Variants in SLC13A1 observed in about 807,000 individuals in gnomAD.
SLC13A1 encodes the protein Na(+)/sulfate cotransporter.
In SLC13A1, 65 loss-of-function variants were observed where a neutral mutation model predicts 70.0. That is an observed-to-expected ratio of 0.93 (90% confidence interval 0.76 to 1.14). SLC13A1 has a LOEUF of 1.14. SLC13A1 is among the 50% of genes most tolerant of loss of function. The probability of loss-of-function intolerance (pLI) is 0.00; values close to 1 mark genes in which losing one functional copy is unlikely to be tolerated. For synonymous variants in SLC13A1, 275 were observed against 250.5 expected, an observed-to-expected ratio of 1.10 and a Z score of -0.92; for missense variants, 726 against 717.8, an observed-to-expected ratio of 1.01 and a Z score of -0.13.
At chr7:123,179,240 A>G (rs1035219906) in intron 2 of SLC13A1, among the ~76,000 whole-genome samples, 9 of 152,194 alleles carry the variant, frequency 5.9e-5, no homozygotes, top group African/African-American at 2.2e-4. Flanking sequence ...TGAGTCAGTG[A>G]TTGAGTTTCA....
chr7:123,181,100 T>G lies in SLC13A1; in HGVS notation c.101A>C (p.Glu34Ala), dbSNP rs1795625383. ...AAAGAGTGTGTAGGCACATTCTGCT[T>G]CCTGGTAAGAACAAATGCAAAGCAA... ...LPLPIVLHTKEAECAYTLFVV... is the reference protein window; with the variant it reads ...LPLPIVLHTKAAECAYTLFVV... The change falls in exon 2 of 15, where the codon GAA becomes GCA. Residue 34 changes from glutamate to alanine, a missense_variant and splice_region_variant. Glu to Ala is a moderately radical substitution (Grantham distance 107). Transcript: ENST00000194130. 6 of 1,611,216 alleles carry G rather than the reference T, an allele frequency of 3.7e-6. No homozygotes were observed. Among genetic ancestry groups the G allele is most frequent in the Non-Finnish European group, 5.1e-6 (6 of 1,178,404 alleles).
intron 8 of SLC13A1, among the ~76,000 whole-genome samples, chr7:123,132,909 A>G (rs2116332552): frequency 6.6e-6 from 1 of 152,324 alleles, no homozygotes; most frequent in East Asian, 1.9e-4. Context: ...GCTGGTTGTC[A>G]TCTAAGTTAT....
chr7:123,139,573 C>G (rs1200541474), intron 7 of SLC13A1, among the ~76,000 whole-genome samples: 1 of 151,764 alleles, frequency 6.6e-6, no homozygotes, highest in African/African-American at 2.4e-5. Flanking sequence ...TTTTTGGTGT[C>G]CTATTCAATT....
At chr7:123,170,278 A>G (rs999856901) in intron 3 of SLC13A1, among the ~76,000 whole-genome samples, 1 of 152,220 alleles carries the variant, frequency 6.6e-6, no homozygotes, top group Non-Finnish European at 1.5e-5. Flanking sequence ...AATGTATACA[A>G]CAAAATAAAA....
rs551953603 is a variant in SLC13A1 at position 123,193,877 on chromosome 7, A to G, written c.99+5971T>C. 5.3e-5 allele frequency among the ~76,000 whole-genome samples: 8 copies of G among 152,250 alleles called. No homozygotes were observed. In the South Asian group the frequency reaches 1.4e-3, roughly 28 times the overall value. On this transcript the variant is annotated intron_variant, in intron 1 of 14. Coordinates refer to ENST00000194130, the MANE Select transcript of SLC13A1 (RefSeq NM_022444.4). ...AAAGGGACAGCCTCTGGTTACACCTACATTCTTCTTGTTCTGTCCTTTCAT... is the reference window on the plus strand; with the variant it reads ...AAAGGGACAGCCTCTGGTTACACCTGCATTCTTCTTGTTCTGTCCTTTCAT...
rs576952293 is a variant in SLC13A1, at chr7:123,177,056, A to T, written c.228+3917T>A. On this transcript the variant is annotated intron_variant, in intron 2 of 14. Coordinates refer to ENST00000194130, the MANE Select transcript of SLC13A1 (RefSeq NM_022444.4). ...ATTCAACTGCCTACTCAACATCTTCACTTAGATGTCTAATAGGTATTTCAA... is the reference window on the plus strand; with the variant it reads ...ATTCAACTGCCTACTCAACATCTTCTCTTAGATGTCTAATAGGTATTTCAA... Among the ~76,000 whole-genome samples, 31 of 152,208 alleles carry T rather than the reference A, an allele frequency of 2.0e-4. No homozygotes were observed. The South Asian group carries it at 6.2e-3, about 31-fold the overall frequency.
At chr7:123,172,239 G>A (rs542008165) in intron 2 of SLC13A1, among the ~76,000 whole-genome samples, 1 of 152,162 alleles carries the variant, frequency 6.6e-6, no homozygotes, top group Non-Finnish European at 1.5e-5. Context: ...TTTCAATCAA[G>A]CTCCAACTTA....
At position 123,134,509 on chromosome 7, in the gene SLC13A1, C is replaced by T. The variant is rs749777517; in HGVS notation, c.833G>A (p.Cys278Tyr). 6.2e-7 allele frequency: 1 copy of T among 1,613,270 alleles called. No individual in the cohort carries two copies. The highest frequency in any genetic ancestry group is 1.7e-5 in the Admixed American group (1 of 59,978). The change falls in exon 8 of 15, where the codon TGC becomes TAC. Residue 278 changes from cysteine (C) to tyrosine (Y), a missense_variant. By Grantham distance (194) the Cys-to-Tyr change is radical (BLOSUM62 -2). Coordinates refer to ENST00000194130, the MANE Select transcript of SLC13A1 (RefSeq NM_022444.4). ...YFNTRYPDCR[C>Y]LNFGSWFTFS... ...CGTAAACCATGATCCAAAGTTGAGG[C>T]AACGACAGTCAGGATAGCGTCTGTG...
chr7:123,141,662 C>T (rs1167562135), intron 7 of SLC13A1, among the ~76,000 whole-genome samples: 1 of 152,038 alleles, frequency 6.6e-6, no homozygotes, highest in Non-Finnish European at 1.5e-5. Flanking sequence ...GGATTGACTT[C>T]TTTATCATTA....
chr7:123,171,114 G>A (rs972282887), intron 3 of SLC13A1, among the ~76,000 whole-genome samples: 1 of 152,118 alleles, frequency 6.6e-6, no homozygotes, highest in Non-Finnish European at 1.5e-5. Flanking sequence ...AACGCAAAAT[G>A]CCACTATGCA....
intron 10 of SLC13A1, among the ~76,000 whole-genome samples, chr7:123,127,287 T>G (rs1301457761): frequency 6.6e-6 from 1 of 152,136 alleles, no homozygotes; most frequent in African/African-American, 2.4e-5. Flanking sequence ...GCCAATACAC[T>G]GCTTTCCTGC....
rs530057401 is a variant in SLC13A1, at chr7:123,177,257, A to G, written c.228+3716T>C. 8.5e-5 allele frequency among the ~76,000 whole-genome samples: 13 copies of G among 152,086 alleles called. No homozygotes were observed. In the South Asian group the frequency reaches 2.7e-3, roughly 32 times the overall value. On this transcript the variant is annotated intron_variant, in intron 2 of 14. Coordinates refer to ENST00000194130, the MANE Select transcript of SLC13A1 (RefSeq NM_022444.4). Reference sequence around the variant, plus strand: ...CATATGCCATATCTAATCAATCAGGAAAGTTTGCTGATTTTACCTTCAAAT... The same window carrying G: ...CATATGCCATATCTAATCAATCAGGGAAGTTTGCTGATTTTACCTTCAAAT...
At chr7:123,166,106 A>G (rs1795067079) in intron 6 of SLC13A1, among the ~76,000 whole-genome samples, 1 of 152,020 alleles carries the variant, frequency 6.6e-6, no homozygotes, top group African/African-American at 2.4e-5. Flanking sequence ...GCATCTGTGC[A>G]TGCCTTTGTT....
At position 123,169,268 on chromosome 7, in the gene SLC13A1, C is replaced by T. The variant is rs188469513; in HGVS notation, c.433G>A (p.Ala145Thr). ...GCCTCCGCAATGGGCATCACCATGG[C>T]AGCCGTCGAGGTGTTGCTGAGCCAC... is the stretch of plus-strand genomic sequence containing the variant. ...SMWLSNTSTA[A>T]MVMPIAEAVV... Residue 145 changes from alanine (A) to threonine (T), a missense_variant, in exon 4 of 15, where the codon GCC becomes ACC. Physicochemically the swap from Ala to Thr is moderately conservative, Grantham distance 58. Coordinates refer to ENST00000194130, the MANE Select transcript of SLC13A1 (RefSeq NM_022444.4). The T allele has an allele frequency of 5.6e-6, 9 of 1,613,980 alleles. No individual in the cohort carries two copies. The African/African-American group carries it at 1.1e-4, about 19-fold the overall frequency.
intron 6 of SLC13A1, among the ~76,000 whole-genome samples, chr7:123,149,788 A>C (rs1021468438): frequency 6.6e-6 from 1 of 152,148 alleles, no homozygotes; most frequent in East Asian, 1.9e-4. Context: ...ACAGTCCTTC[A>C]ACTGCACTGG....
intron 6 of SLC13A1, among the ~76,000 whole-genome samples, chr7:123,156,172 T>C (rs1794707060): frequency 6.6e-6 from 1 of 152,110 alleles, no homozygotes. Context: ...ATGGGATTAC[T>C]GGGGATAATG....
rs552091781 is a variant in SLC13A1 at position 123,173,857 on chromosome 7, C to T, written c.229-1953G>A. Among the ~76,000 whole-genome samples, 21 of 152,056 alleles carry T rather than the reference C, an allele frequency of 1.4e-4. No individual in the cohort carries two copies. In the South Asian group the frequency reaches 4.2e-3, roughly 30 times the overall value. On this transcript the variant is annotated intron_variant, in intron 2 of 14. Coordinates refer to ENST00000194130, the MANE Select transcript of SLC13A1 (RefSeq NM_022444.4). ...CTATGGTCTCTGAGCTCTTATATCC[C>T]AATTTTCTACACTCTGTCCTCTACT...
At chr7:123,170,048 A>G (rs1019920337) in intron 3 of SLC13A1, among the ~76,000 whole-genome samples, 10 of 152,206 alleles carry the variant, frequency 6.6e-5, no homozygotes, top group Non-Finnish European at 1.5e-4. Flanking sequence ...TAAAAATAAT[A>G]TACCTAAGAC....
At chr7:123,154,632 C>T (rs1378070033) in intron 6 of SLC13A1, among the ~76,000 whole-genome samples, 1 of 152,110 alleles carries the variant, frequency 6.6e-6, no homozygotes, top group Non-Finnish European at 1.5e-5. Flanking sequence ...CCTGCCCCTT[C>T]TGTAAGTTAG....
Sources: allele counts gnomAD v4.1 joint callset (sites outside exome capture counted in the v4.1 genomes callset), GRCh38; gene constraint gnomAD v4.1.1; transcripts MANE v1.5; gene names NCBI Gene and HGNC (gene_info 2026-07-23, HGNC 2026-07-21).